The following SLC22A9 variants were observed in gnomAD, a reference collection of about 807,000 sequenced individuals.
SLC22A9 encodes the protein solute carrier family 22 member 9, also known as organic anion transporter 7.
In SLC22A9, 64 loss-of-function variants were observed where a neutral mutation model predicts 50.1. That is an observed-to-expected ratio of 1.28 (90% CI 1.04 to 1.57). SLC22A9 has a LOEUF of 1.57. SLC22A9 is among the 40% of genes most tolerant of loss of function. The pLI is 0.00. For missense variants in SLC22A9, 757 were observed against 676.1 expected, an observed-to-expected ratio of 1.12 and a Z score of -1.33; for synonymous variants, 261 against 242.5, an observed-to-expected ratio of 1.08 and a Z score of -0.71.
intron 6 of SLC22A9, among the ~76,000 whole-genome samples, chr11:63,395,471 C>T (rs910705805): frequency 9.9e-5 from 15 of 152,098 alleles, no homozygotes; most frequent in African/African-American, 3.1e-4. Context: ...AGCTGAGCTG[C>T]ACTGATTGTT....
intron 5 of SLC22A9, among the ~76,000 whole-genome samples, chr11:63,377,822 A>G (rs1359265150): frequency 1.3e-5 from 2 of 152,124 alleles, no homozygotes; most frequent in African/African-American, 4.8e-5. Context: ...AAAGAAAAAA[A>G]GAGAGCGGAT....
chr11:63,371,274 AT>A, intron 2 of SLC22A9, 36 bp downstream of exon 2: 3 of 1,438,802 alleles, frequency 2.1e-6, no homozygotes, highest in South Asian at 1.2e-5. Flanking sequence ...CTTTAAGGGC[AT>A]TTTTTATCAA....
At chr11:63,408,612 T>A (rs2015080994) in intron 8 of SLC22A9, 64 bp from the exon 9 acceptor site, 1 of 1,453,436 alleles carries the variant, frequency 6.9e-7, no homozygotes, top group South Asian at 1.2e-5. Flanking sequence ...AGCAAAATGA[T>A]AAATCACAAA....
intron 7 of SLC22A9, 64 bp downstream of exon 7, chr11:63,406,775 G>C: frequency 6.6e-7 from 1 of 1,522,542 alleles, no homozygotes; most frequent in Non-Finnish European, 8.9e-7. Context: ...GATTGTACTT[G>C]TCACACCTAT....
chr11:63,397,603 C>A (rs2014881621), intron 6 of SLC22A9, among the ~76,000 whole-genome samples: 1 of 152,052 alleles, frequency 6.6e-6, no homozygotes, highest in Admixed American at 6.6e-5. Context: ...AAAAGAAAGT[C>A]TTTTCCATTC....
intron 6 of SLC22A9, among the ~76,000 whole-genome samples, chr11:63,390,466 G>A (rs1005140827): frequency 6.6e-6 from 1 of 152,076 alleles, no homozygotes; most frequent in African/African-American, 2.4e-5. Context: ...TGCCAGGTTT[G>A]TCAAAGATCA....
At position 63,376,443 on chromosome 11, in the gene SLC22A9, G is replaced by A. The variant is rs79696721; in HGVS notation, c.954+675G>A. 4.8e-3 allele frequency among the ~76,000 whole-genome samples: 731 copies of A among 152,002 alleles called. 10 individuals carry two copies. The highest frequency in any genetic ancestry group is 0.017 in the African/African-American group (695 of 41,470). ...GATCTTTAAGTTAAATATTATCCAT[G>A]TTATACACATATATAAAGTATTAAT... is the stretch of plus-strand genomic sequence containing the variant. On this transcript the variant is annotated intron_variant, in intron 5 of 9. Transcript: ENST00000279178.
chr11:63,370,109 T>G lies in SLC22A9; in HGVS notation c.53T>G (p.Ile18Ser), dbSNP rs2014322087. 1.2e-6 allele frequency: 2 copies of G among 1,613,984 alleles called. No individual in the cohort carries two copies. The highest frequency in any genetic ancestry group is 1.7e-6 in the Non-Finnish European group (2 of 1,179,892). ...GHAGDLWRFQ[I>S]LQTVFLSIFA... ...GCTGGTGACCTGTGGAGATTCCAGATCCTTCAGACTGTTTTTCTCTCAATC... is the reference window on the plus strand; with the variant it reads ...GCTGGTGACCTGTGGAGATTCCAGAGCCTTCAGACTGTTTTTCTCTCAATC... Residue 18 changes from isoleucine (I) to serine (S), a missense_variant, in exon 1 of 10, where the codon ATC becomes AGC. Physicochemically the swap from Ile to Ser is moderately radical, Grantham distance 142. Transcript: ENST00000279178.
intron 6 of SLC22A9, among the ~76,000 whole-genome samples, chr11:63,387,513 C>A (rs1475123201): frequency 1.3e-5 from 2 of 151,838 alleles, no homozygotes; most frequent in African/African-American, 4.8e-5. Context: ...ATACACTGAT[C>A]TATGTTTTTA....
chr11:63,397,572 C>T (rs1187813463), intron 6 of SLC22A9, among the ~76,000 whole-genome samples: 1 of 152,156 alleles, frequency 6.6e-6, no homozygotes, highest in African/African-American at 2.4e-5. Context: ...TCTACTGTGG[C>T]TGAGCTGGCA....
At chr11:63,406,836 C>A in intron 7 of SLC22A9, 125 bp downstream of exon 7, 3 of 1,068,530 alleles carry the variant, frequency 2.8e-6, no homozygotes, top group Non-Finnish European at 4.0e-6. Flanking sequence ...TTCCTGACAC[C>A]AATCTGGGGA....
At position 63,382,229 on chromosome 11, in the gene SLC22A9, T is replaced by C; in HGVS notation, c.1025T>C (p.Leu342Pro). 1 of 1,610,062 alleles carries C rather than the reference T, an allele frequency of 6.2e-7. No homozygotes were observed. The highest frequency in any genetic ancestry group is 8.5e-7 in the Non-Finnish European group (1 of 1,178,774). The change falls in exon 6 of 10, where the codon CTC becomes CCC. Residue 342 changes from leucine (L) to proline (P), a missense_variant. By Grantham distance (98) the Leu-to-Pro change is moderately conservative. Transcript: ENST00000279178. ...QKKKPSLCEM[L>P]HMPNICKRIS... ...AAAAAACCTTCTCTGTGTGAAATGC[T>C]CCACATGCCCAACATATGTAAAAGG...
intron 6 of SLC22A9, among the ~76,000 whole-genome samples, chr11:63,392,851 A>G (rs929890699): frequency 6.6e-6 from 1 of 152,108 alleles, no homozygotes; most frequent in Admixed American, 6.6e-5. Flanking sequence ...GTTTCTCTAA[A>G]ACACTAAGAT....
At position 63,408,691 on chromosome 11, in the gene SLC22A9, G is replaced by A; in HGVS notation, c.1413G>A (p.Gly471=). The stretch of plus-strand genomic sequence containing the variant: ...CCACTCAAAGGGCAAGAGCTATGGG[G>A]ATCAATGCAACCTTTGCTAATATAG... The part of the protein sequence containing the change: ...IPTIIRARAM[G]INATFANIAG... The change falls in exon 9 of 10, where the codon GGG becomes GGA. Residue 471 remains glycine (G), a synonymous_variant. Coordinates refer to ENST00000279178, the MANE Select transcript of SLC22A9 (RefSeq NM_080866.3). 6.2e-7 allele frequency: 1 copy of A among 1,613,584 alleles called. No homozygotes were observed. The highest frequency in any genetic ancestry group is 8.5e-7 in the Non-Finnish European group (1 of 1,179,638).
Position 63,408,169 on chromosome 11 carries a change from C to T in SLC22A9, c.1346C>T (p.Ala449Val), listed in dbSNP as rs756404181. The change falls in exon 8 of 10, where the codon GCC becomes GTC. Residue 449 changes from alanine to valine, a missense_variant. Ala to Val is a moderately conservative substitution (Grantham distance 64). Transcript: ENST00000279178. ...ATLGLGASAL[A>V]NTLAFAHGNE... is the part of the protein sequence containing the mutation. The stretch of plus-strand genomic sequence containing the variant: ...CTGGGCTTAGGAGCGTCTGCTCTTG[C>T]CAATACCCTTGCTTTTGCCCATGGA... 1.2e-6 allele frequency: 2 copies of T among 1,613,766 alleles called. No individual in the cohort carries two copies. Among genetic ancestry groups the T allele is most frequent in the Non-Finnish European group, 1.7e-6 (2 of 1,179,786 alleles).
At position 63,410,257 on chromosome 11, in the gene SLC22A9, A is replaced by AAAAGAAGGAAAG. The variant is rs1565192073; in HGVS notation, c.*401_*402insGGAAAGAAAGAA. On this transcript the variant is annotated 3_prime_UTR_variant, in exon 10 of 10. Coordinates refer to ENST00000279178, the MANE Select transcript of SLC22A9 (RefSeq NM_080866.3). ...CTGTCTCAAAAAAAAAAAAAAAAAAAAAAGAAAGAAGGAAAGAAAGAAAGA... is the reference window on the plus strand; with the variant it reads ...CTGTCTCAAAAAAAAAAAAAAAAAAAAAAGAAGGAAAGAAAGAAAGAAGGAAAGAAAGAAAGA... The AAAAGAAGGAAAG allele has an allele frequency of 7.0e-3, 749 of 107,284 alleles. 12 individuals carry two copies. The highest frequency in any genetic ancestry group is 0.014 in the South Asian group (39 of 2,856). 6.6% of individuals were successfully genotyped at this position (107,284 alleles called of 1,614,324 possible). A position where few individuals can be genotyped will look rare whatever the true frequency, so the allele number is the denominator to read the frequency against.
intron 6 of SLC22A9, among the ~76,000 whole-genome samples, chr11:63,390,754 T>C (rs1161799773): frequency 6.6e-6 from 1 of 152,200 alleles, no homozygotes; most frequent in Admixed American, 6.6e-5. Flanking sequence ...TTGATGGGAA[T>C]AGCATTGAAT....
intron 9 of SLC22A9, 89 bp downstream of exon 9, chr11:63,408,968 C>T (rs996423922): frequency 2.9e-6 from 4 of 1,369,522 alleles, no homozygotes; most frequent in African/African-American, 1.4e-5. Flanking sequence ...GGCCACTGTC[C>T]TCTCAAAAGG....
At chr11:63,370,891 A>C (rs546056912) in intron 1 of SLC22A9, among the ~76,000 whole-genome samples, 2 of 152,182 alleles carry the variant, frequency 1.3e-5, no homozygotes, top group South Asian at 4.1e-4. Flanking sequence ...TGATTGCACC[A>C]TGTGGTCATG....
Sources: allele counts gnomAD v4.1 joint callset (sites outside exome capture counted in the v4.1 genomes callset), GRCh38; gene constraint gnomAD v4.1.1; transcripts MANE v1.5; gene names NCBI Gene and HGNC (gene_info 2026-07-23, HGNC 2026-07-21).